Variants in LRBA observed in about 807,000 individuals in gnomAD.
The protein encoded by LRBA is LPS responsive beige-like anchor protein, also known as lipopolysaccharide-responsive and beige-like anchor protein.
In LRBA, 176 loss-of-function variants were observed where a neutral mutation model predicts 330.0. That is an observed-to-expected ratio of 0.53 (90% CI 0.47 to 0.60). The LOEUF (loss-of-function observed/expected upper bound fraction) is 0.60. LRBA is among the 20% of genes least tolerant of loss of function. The probability of loss-of-function intolerance (pLI) is 0.00; values close to 1 mark genes in which losing one functional copy is unlikely to be tolerated. For missense variants in LRBA, 3,259 were observed against 3,444.8 expected (o/e 0.95, Z 1.35); for synonymous variants, 1,230 against 1,193.0 (o/e 1.03, Z -0.64).
At position 150,852,465 on chromosome 4, in the gene LRBA, A is replaced by C. The variant is rs1357566921; in HGVS notation, c.3245T>G (p.Ile1082Arg). ...SMTVSEVTAS[I>R]SSPSEEDASE... Reference sequence around the variant, plus strand: ...GGCATCCTCTTCTGAAGGAGAACTTATAGAAGCAGTTACTTCACTGACAGT... The same window carrying C: ...GGCATCCTCTTCTGAAGGAGAACTTCTAGAAGCAGTTACTTCACTGACAGT... Residue 1082 changes from isoleucine (I) to arginine (R), a missense_variant, in exon 23 of 57, where the codon ATA becomes AGA. Ile to Arg is a moderately conservative substitution (Grantham distance 97). Transcript: ENST00000651943. 6.2e-7 allele frequency: 1 copy of C among 1,613,716 alleles called. No individual in the cohort carries two copies. The highest frequency in any genetic ancestry group is 1.7e-5 in the Admixed American group (1 of 60,022).
chr4:150,715,245 A>G (rs1582128356), intron 36 of LRBA, among the ~76,000 whole-genome samples: 1 of 152,082 alleles, frequency 6.6e-6, no homozygotes, highest in East Asian at 1.9e-4. Flanking sequence ...ACCCACCCCA[A>G]CCTCTCACCC....
intron 8 of LRBA, 131 bp downstream of exon 8, chr4:150,915,477 A>G: frequency 1.3e-6 from 1 of 748,530 alleles, no homozygotes; most frequent in Non-Finnish European, 2.1e-6. Context: ...CATGCTAGCC[A>G]AATTATGTTT....
intron 2 of LRBA, among the ~76,000 whole-genome samples, chr4:150,943,982 A>ACAGT (rs753683330): frequency 3.9e-5 from 6 of 152,210 alleles, no homozygotes; most frequent in Admixed American, 6.5e-5. Flanking sequence ...TTAGAGAGGA[A>ACAGT]CAGTCCTCCA....
chr4:150,552,034 C>G (rs866461657), intron 40 of LRBA, among the ~76,000 whole-genome samples: 2 of 152,026 alleles, frequency 1.3e-5, no homozygotes, highest in Admixed American at 6.6e-5. Flanking sequence ...ATAAGGAGCA[C>G]GCAACCTAGT....
intron 49 of LRBA, among the ~76,000 whole-genome samples, chr4:150,323,049 G>A (rs1223856719): frequency 7.7e-6 from 1 of 130,690 alleles, no homozygotes; most frequent in African/African-American, 2.8e-5. Context: ...GGTTGATGGG[G>A]GAGCTCATCT....
At chr4:150,276,204 T>C (rs562153675) in intron 56 of LRBA, among the ~76,000 whole-genome samples, 34 of 152,236 alleles carry the variant, frequency 2.2e-4, no homozygotes, top group South Asian at 8.3e-4. Flanking sequence ...AATTAGTAAA[T>C]GGTGTTGGGA....
chr4:150,405,562 T>C (rs1201279948), intron 47 of LRBA, among the ~76,000 whole-genome samples: 2 of 152,172 alleles, frequency 1.3e-5, no homozygotes, highest in Admixed American at 6.5e-5. Context: ...TAGATATTTT[T>C]TCTCCTCTTA....
At chr4:150,978,928 G>A (rs754730495) in intron 2 of LRBA, among the ~76,000 whole-genome samples, 4 of 152,154 alleles carry the variant, frequency 2.6e-5, no homozygotes, top group Non-Finnish European at 5.9e-5. Flanking sequence ...GAGAGTTATT[G>A]TCCTTAAAGA....
At chr4:150,625,682 C>T (rs1030373867) in intron 37 of LRBA, among the ~76,000 whole-genome samples, 7 of 146,452 alleles carry the variant, frequency 4.8e-5, no homozygotes, top group Non-Finnish European at 8.9e-5. Flanking sequence ...ATCCTGGTAC[C>T]GAGATTATAT....
intron 18 of LRBA, 53 bp from the exon 19 acceptor site, chr4:150,871,506 T>C: frequency 1.0e-6 from 1 of 991,544 alleles, no homozygotes; most frequent in Non-Finnish European, 1.6e-6. Context: ...TGTGCTCTAC[T>C]TAATATGCAT....
intron 46 of LRBA, chr4:150,423,421 G>A (rs924637026): frequency 3.2e-6 from 2 of 620,600 alleles, no homozygotes; most frequent in Admixed American, 2.5e-5. Context: ...GCTTCTTTTT[G>A]TGGAGGCTCT....
chr4:150,426,814 T>C (rs1251178503), intron 46 of LRBA, among the ~76,000 whole-genome samples: 2 of 151,650 alleles, frequency 1.3e-5, no homozygotes, highest in African/African-American at 4.8e-5. Context: ...AAAACAAATA[T>C]ATTATTTTTT....
At chr4:150,677,576 T>C (rs935598341) in intron 37 of LRBA, among the ~76,000 whole-genome samples, 1 of 152,192 alleles carries the variant, frequency 6.6e-6, no homozygotes, top group Admixed American at 6.5e-5. Context: ...ATATTCAATT[T>C]TGAATATGGC....
chr4:151,011,853 A>T (rs572449072), intron 2 of LRBA, among the ~76,000 whole-genome samples: 2 of 146,492 alleles, frequency 1.4e-5, no homozygotes, highest in East Asian at 4.0e-4. Context: ...TTTTTATTTA[A>T]TTTTTTTTTT....
chr4:150,401,850 T>C (rs1386864649), intron 47 of LRBA, among the ~76,000 whole-genome samples: 2 of 151,884 alleles, frequency 1.3e-5, no homozygotes, highest in South Asian at 2.1e-4. Context: ...ATTGTGTGTA[T>C]ATATAATTAT....
chr4:150,514,264 G>T (rs1474464810), intron 40 of LRBA, among the ~76,000 whole-genome samples: 3 of 152,106 alleles, frequency 2.0e-5, no homozygotes, highest in Admixed American at 6.6e-5. Context: ...TAGAGACGGG[G>T]TTTCACCATG....
At chr4:150,435,216 T>C (rs1395244285) in intron 46 of LRBA, among the ~76,000 whole-genome samples, 4 of 152,108 alleles carry the variant, frequency 2.6e-5, no homozygotes, top group African/African-American at 4.8e-5. Flanking sequence ...CCAGGCGTTG[T>C]GGCAGATGCC....
intron 37 of LRBA, among the ~76,000 whole-genome samples, chr4:150,634,713 C>A (rs1213722681): frequency 6.6e-6 from 1 of 152,146 alleles, no homozygotes; most frequent in Non-Finnish European, 1.5e-5. Context: ...CTTTCTGAAT[C>A]TTGGCTTCTG....
intron 30 of LRBA, among the ~76,000 whole-genome samples, chr4:150,823,471 G>C (rs1745767224): frequency 6.6e-6 from 1 of 152,010 alleles, no homozygotes. Flanking sequence ...AGCTTGATGT[G>C]ATCTCATCTG....
Sources: allele counts gnomAD v4.1 joint callset (sites outside exome capture counted in the v4.1 genomes callset), GRCh38; gene constraint gnomAD v4.1.1; transcripts MANE v1.5; gene names NCBI Gene and HGNC (gene_info 2026-07-23, HGNC 2026-07-21).